WWOX: variants seen among roughly 807,000 people sequenced by gnomAD.
WWOX encodes WW domain-containing oxidoreductase.
Under a neutral mutation model 46.2 loss-of-function variants are expected in WWOX, and 69 were observed. The ratio of observed to expected loss-of-function variants is 1.49; its 90% CI spans 1.23 to 1.82. The LOEUF (loss-of-function observed/expected upper bound fraction) is 1.82. Ranked by LOEUF, WWOX falls within the 40% of genes most tolerant of loss-of-function variation. The probability of loss-of-function intolerance (pLI) is 0.00; values close to 1 mark genes in which losing one functional copy is unlikely to be tolerated. For synonymous variants in WWOX, 359 were observed against 202.6 expected, an observed-to-expected ratio of 1.77 and a Z score of -6.56; for missense variants, 919 against 542.6, an observed-to-expected ratio of 1.69 and a Z score of -6.89.
chr16:78,639,581 TC>T (rs1248623095), intron 8 of WWOX, among the ~76,000 whole-genome samples: 1 of 26,004 alleles, frequency 3.8e-5, no homozygotes, highest in Non-Finnish European at 1.1e-4. Context: ...TTTTTTTTTT[TC>T]CAGACAGTTT....
intron 8 of WWOX, among the ~76,000 whole-genome samples, chr16:78,984,245 A>G (rs1007178299): frequency 6.6e-6 from 1 of 152,056 alleles, no homozygotes; most frequent in Admixed American, 6.5e-5. Context: ...ACCCCTGTAC[A>G]TGTTTGCCAA....
chr16:78,451,304 A>G (rs534695425), intron 8 of WWOX, among the ~76,000 whole-genome samples: 69 of 152,354 alleles, frequency 4.5e-4, no homozygotes, highest in African/African-American at 1.7e-3. Flanking sequence ...ATTTTCACTG[A>G]ATGAGTATAC....
At chr16:79,149,911 A>C (rs927044022) in intron 8 of WWOX, among the ~76,000 whole-genome samples, 1 of 152,054 alleles carries the variant, frequency 6.6e-6, no homozygotes, top group African/African-American at 2.4e-5. Context: ...CTATCCATCA[A>C]CCCACCCATC....
chr16:78,509,981 T>C (rs2085319826), intron 8 of WWOX, among the ~76,000 whole-genome samples: 1 of 151,268 alleles, frequency 6.6e-6, no homozygotes, highest in Non-Finnish European at 1.5e-5. Context: ...ATGCCTGTAG[T>C]CCCAGCTTCT....
chr16:78,626,959 C>T (rs2046324743), intron 8 of WWOX, among the ~76,000 whole-genome samples: 1 of 152,090 alleles, frequency 6.6e-6, no homozygotes, highest in Admixed American at 6.5e-5. Context: ...TTGTGATGTA[C>T]ACACATCATG....
intron 6 of WWOX, among the ~76,000 whole-genome samples, chr16:78,398,703 C>G (rs2082344237): frequency 6.6e-6 from 1 of 152,210 alleles, no homozygotes; most frequent in South Asian, 2.1e-4. Flanking sequence ...TGTGCTACAA[C>G]TTATTAAGAT....
intron 8 of WWOX, among the ~76,000 whole-genome samples, chr16:78,465,667 C>A (rs2084058021): frequency 6.6e-6 from 1 of 152,202 alleles, no homozygotes; most frequent in South Asian, 2.1e-4. Context: ...AATTTACTCC[C>A]TTGTAAATGT....
intron 8 of WWOX, among the ~76,000 whole-genome samples, chr16:78,478,514 A>G (rs1567596588): frequency 6.6e-6 from 1 of 152,188 alleles, no homozygotes; most frequent in Non-Finnish European, 1.5e-5. Context: ...GTAACACACT[A>G]AGAACAAATG....
At chr16:79,094,223 C>G (rs1226662409) in intron 8 of WWOX, among the ~76,000 whole-genome samples, 4 of 151,064 alleles carry the variant, frequency 2.6e-5, no homozygotes, top group African/African-American at 9.7e-5. Context: ...GCGCTCTCGT[C>G]TGCATTTCCT....
intron 8 of WWOX, among the ~76,000 whole-genome samples, chr16:79,100,461 C>T (rs547686952): frequency 1.2e-4 from 18 of 152,110 alleles, no homozygotes; most frequent in East Asian, 7.7e-4. Flanking sequence ...AAACAGCAAA[C>T]GGGCCCAAAT....
intron 8 of WWOX, among the ~76,000 whole-genome samples, chr16:78,902,898 C>T (rs943525590): frequency 6.6e-6 from 1 of 152,198 alleles, no homozygotes; most frequent in Non-Finnish European, 1.5e-5. Flanking sequence ...GGACAGGACA[C>T]TTCCTCCTAG....
At chr16:78,329,033 C>CT (rs568880907) in intron 5 of WWOX, among the ~76,000 whole-genome samples, 3 of 151,758 alleles carry the variant, frequency 2.0e-5, no homozygotes, top group Admixed American at 6.6e-5. Flanking sequence ...GGCTGATTTT[C>CT]TTTTTTTTCG....
chr16:78,562,128 A>G (rs992498699), intron 8 of WWOX, among the ~76,000 whole-genome samples: 1 of 152,160 alleles, frequency 6.6e-6, no homozygotes, highest in Non-Finnish European at 1.5e-5. Flanking sequence ...AACAAATTGG[A>G]TGCTCAACTC....
intron 4 of WWOX, among the ~76,000 whole-genome samples, chr16:78,136,537 C>G (rs2151702522): frequency 6.6e-6 from 1 of 152,276 alleles, no homozygotes; most frequent in African/African-American, 2.4e-5. Flanking sequence ...GCTGTCATAT[C>G]ACATCTGTTT....
At chr16:78,301,846 T>C (rs2080047616) in intron 5 of WWOX, among the ~76,000 whole-genome samples, 2 of 152,120 alleles carry the variant, frequency 1.3e-5, no homozygotes, top group Admixed American at 1.3e-4. Flanking sequence ...TCTTCCACCT[T>C]CTTGGGGTTG....
At chr16:78,779,674 G>T (rs11859819) in intron 8 of WWOX, among the ~76,000 whole-genome samples, 12 of 152,162 alleles carry the variant, frequency 7.9e-5, no homozygotes, top group African/African-American at 2.9e-4. Flanking sequence ...CTGCTGATCA[G>T]TGATGCGACT....
intron 5 of WWOX, among the ~76,000 whole-genome samples, chr16:78,286,409 A>T (rs549829491): frequency 1.1e-4 from 16 of 152,336 alleles, no homozygotes; most frequent in Middle Eastern, 3.4e-3. Flanking sequence ...GTATTGTTAG[A>T]CTTAGCTGAA....
chr16:79,015,210 G>A (rs2047389393), intron 8 of WWOX, among the ~76,000 whole-genome samples: 1 of 152,140 alleles, frequency 6.6e-6, no homozygotes, highest in East Asian at 1.9e-4. Flanking sequence ...ATAAGACAGT[G>A]TAGGAAACAC....
In WWOX at chr16:79,037,971, C is replaced by T. The variant is rs115595667; in HGVS notation, c.1057-173637C>T. Among the ~76,000 whole-genome samples, 495 of 152,200 alleles carry T rather than the reference C, an allele frequency of 3.3e-3. 2 individuals are homozygous for T. Among genetic ancestry groups the T allele is most frequent in the African/African-American group, 0.011 (474 of 41,510 alleles). ...CTTTTCTGGTTCTGTTCCTCCCCTA[C>T]ATAACCAGAAAAAGCTCGTTAACAC... On this transcript the variant is annotated intron_variant, in intron 8 of 8. Transcript: ENST00000566780.
Sources: gnomAD v4.1 joint callset for allele counts (sites outside exome capture counted in the v4.1 genomes callset) on GRCh38, gnomAD v4.1.1 for gene constraint, MANE v1.5 for transcripts, NCBI Gene and HGNC (gene_info 2026-07-23, HGNC 2026-07-21) for gene names.